The following PRKG1 variants were observed in gnomAD, a reference collection of about 807,000 sequenced individuals.
PRKG1 encodes protein kinase cGMP-dependent 1.
Under a neutral mutation model 88.1 loss-of-function variants are expected in PRKG1, and 35 were observed. The ratio of observed to expected loss-of-function variants is 0.40; its 90% CI spans 0.30 to 0.53. The LOEUF (loss-of-function observed/expected upper bound fraction) is 0.53. PRKG1 is among the 20% of genes least tolerant of loss of function. The probability of loss-of-function intolerance (pLI) is 0.59; values close to 1 mark genes in which losing one functional copy is unlikely to be tolerated. For synonymous variants in PRKG1, 303 were observed against 292.5 expected, an observed-to-expected ratio of 1.04 and a Z score of -0.37; for missense variants, 540 against 839.8, an observed-to-expected ratio of 0.64 and a Z score of 4.41.
chr10:51,338,442 G>T, intron 2 of PRKG1, among the ~76,000 whole-genome samples: 1 of 152,076 alleles, frequency 6.6e-6, no homozygotes, highest in East Asian at 1.9e-4. Context: ...AAAAATAAGG[G>T]TTTCTAGGCT....
chr10:51,984,024 A>G (rs1844086019), intron 5 of PRKG1, among the ~76,000 whole-genome samples: 1 of 152,244 alleles, frequency 6.6e-6, no homozygotes, highest in Non-Finnish European at 1.5e-5. Context: ...GAGAAAGATG[A>G]GGAACTCACA....
At chr10:51,359,658 T>A (rs1226807755) in intron 2 of PRKG1, among the ~76,000 whole-genome samples, 1 of 151,994 alleles carries the variant, frequency 6.6e-6, no homozygotes, top group East Asian at 1.9e-4. Flanking sequence ...CTGACTATGT[T>A]TTAGCATTAG....
intron 8 of PRKG1, among the ~76,000 whole-genome samples, chr10:52,139,079 T>C (rs974295449): frequency 6.6e-6 from 1 of 152,092 alleles, no homozygotes; most frequent in Non-Finnish European, 1.5e-5. Context: ...AAACTGGGTA[T>C]GTTTTAATAG....
chr10:51,204,505 G>A (rs757985367), intron 2 of PRKG1, among the ~76,000 whole-genome samples: 108 of 151,700 alleles, frequency 7.1e-4, no homozygotes, highest in Non-Finnish European at 1.1e-3. Context: ...TATGCTTTTT[G>A]TCAGGCCATT....
chr10:51,191,645 C>A (rs1315120468), intron 2 of PRKG1, among the ~76,000 whole-genome samples: 2 of 151,624 alleles, frequency 1.3e-5, no homozygotes, highest in African/African-American at 4.8e-5. Context: ...TTATTTAATC[C>A]TCATACCAAA....
At chr10:52,139,582 C>G (rs1837520165) in intron 8 of PRKG1, among the ~76,000 whole-genome samples, 3 of 152,110 alleles carry the variant, frequency 2.0e-5, no homozygotes, top group Admixed American at 2.0e-4. Context: ...ACCAGCCATG[C>G]AGGAACCTGC....
chr10:51,518,493 A>ATCC (rs2132073345), intron 3 of PRKG1, among the ~76,000 whole-genome samples: 1 of 152,292 alleles, frequency 6.6e-6, no homozygotes, highest in African/African-American at 2.4e-5. Flanking sequence ...TAGCATTGAC[A>ATCC]TCCTGTTAGC....
chr10:51,139,004 G>A (rs1324870060), intron 1 of PRKG1, among the ~76,000 whole-genome samples: 1 of 152,016 alleles, frequency 6.6e-6, no homozygotes, highest in East Asian at 1.9e-4. Flanking sequence ...CAGGTGATGA[G>A]ACCTACTCTC....
At chr10:51,943,089 G>A (rs1256402610) in intron 5 of PRKG1, among the ~76,000 whole-genome samples, 1 of 151,968 alleles carries the variant, frequency 6.6e-6, no homozygotes, top group African/African-American at 2.4e-5. Context: ...CCATGAGCAT[G>A]GAATGTTCTT....
Position 52,241,467 on chromosome 10 carries a change from A to G in PRKG1, c.1077-10103A>G, listed in dbSNP as rs150468972. On this transcript the variant is annotated intron_variant, in intron 9 of 17. Coordinates refer to ENST00000373980, the MANE Select transcript of PRKG1 (RefSeq NM_006258.4). ...AAGTTGGCCTGGGGCTAGCTTCCTG[A>G]TAATTTCTTTTGTTATACTCCTAGA... Among the ~76,000 whole-genome samples, 13 of 152,264 alleles carry G rather than the reference A, an allele frequency of 8.5e-5. No homozygotes were observed. The East Asian group carries it at 2.5e-3, about 29-fold the overall frequency.
At chr10:51,087,857 C>T (rs1201521797) in intron 1 of PRKG1, among the ~76,000 whole-genome samples, 3 of 152,130 alleles carry the variant, frequency 2.0e-5, no homozygotes, top group Non-Finnish European at 2.9e-5. Context: ...CTCCGCCTCC[C>T]GGGATCAAGC....
chr10:51,443,465 T>C (rs925025057), intron 2 of PRKG1, among the ~76,000 whole-genome samples: 23 of 152,070 alleles, frequency 1.5e-4, no homozygotes, highest in Admixed American at 9.2e-4. Flanking sequence ...TTTAAATTCT[T>C]ATTGGCTGTA....
chr10:51,738,480 G>T (rs758504603), intron 3 of PRKG1, among the ~76,000 whole-genome samples: 8 of 152,166 alleles, frequency 5.3e-5, no homozygotes, highest in Non-Finnish European at 1.0e-4. Flanking sequence ...TGAAGCAGTT[G>T]CAAGAATGAA....
chr10:51,519,771 A>G (rs901337630), intron 3 of PRKG1, among the ~76,000 whole-genome samples: 3 of 152,158 alleles, frequency 2.0e-5, no homozygotes, highest in East Asian at 1.9e-4. Context: ...AAATAACTCA[A>G]TCACCTTTCT....
intron 7 of PRKG1, among the ~76,000 whole-genome samples, chr10:52,114,432 A>G (rs1467490989): frequency 6.6e-6 from 1 of 151,928 alleles, no homozygotes; most frequent in Non-Finnish European, 1.5e-5. Flanking sequence ...GGTCTGTCAC[A>G]TATTTTAGTT....
intron 8 of PRKG1, among the ~76,000 whole-genome samples, chr10:52,152,037 G>A (rs1837941499): frequency 6.6e-6 from 1 of 152,034 alleles, no homozygotes; most frequent in Admixed American, 6.6e-5. Flanking sequence ...TAGGATGCTA[G>A]GCATTCATTT....
intron 3 of PRKG1, among the ~76,000 whole-genome samples, chr10:51,691,480 T>A (rs1025536787): frequency 6.6e-6 from 1 of 151,926 alleles, no homozygotes; most frequent in African/African-American, 2.4e-5. Flanking sequence ...ACTAATGAAC[T>A]AATTTTTGTA....
intron 2 of PRKG1, among the ~76,000 whole-genome samples, chr10:51,229,926 C>CAAAAA (rs35300789): frequency 5.1e-4 from 17 of 33,494 alleles, no homozygotes; most frequent in African/African-American, 7.5e-4. Flanking sequence ...GAGGCGATCT[C>CAAAAA]AAAAAAAAAA....
At chr10:51,737,495 T>A (rs2132482776) in intron 3 of PRKG1, among the ~76,000 whole-genome samples, 2 of 152,282 alleles carry the variant, frequency 1.3e-5, no homozygotes, top group East Asian at 3.9e-4. Flanking sequence ...GTCACATTGT[T>A]GTATTTCCCA....
Sources: gnomAD v4.1 joint callset for allele counts (sites outside exome capture counted in the v4.1 genomes callset) on GRCh38, gnomAD v4.1.1 for gene constraint, MANE v1.5 for transcripts, NCBI Gene and HGNC (gene_info 2026-07-23, HGNC 2026-07-21) for gene names.